The following ACOT11 variants were observed in gnomAD, a reference collection of about 807,000 sequenced individuals.
ACOT11 encodes the protein acyl-CoA thioesterase 11, also known as acyl-coenzyme A thioesterase 11.
A neutral mutation model predicts 77.5 loss-of-function variants in ACOT11; 69 were observed. That is an observed-to-expected ratio of 0.89 (90% confidence interval 0.73 to 1.09). The LOEUF is 1.09. Among genes scored for constraint, ACOT11 ranks in the 50% least tolerant of loss-of-function variants. ACOT11 has a pLI of 0.00. For synonymous variants in ACOT11, 279 were observed against 313.0 expected, an observed-to-expected ratio of 0.89 and a Z score of 1.15; for missense variants, 766 against 813.7, an observed-to-expected ratio of 0.94 and a Z score of 0.71.
rs149214042 is a variant in ACOT11, at chr1:54,595,119, G to T, written c.607+428G>T. On this transcript the variant is annotated intron_variant, in intron 6 of 15. Transcript: ENST00000343744. ...CCCAGCACTTTGGGAGGCCGAGGCG[G>T]GTGGATCACCTGAGGCCAGGAGTTC... Among the ~76,000 whole-genome samples the T allele has an allele frequency of 1.4e-4, 21 of 152,280 alleles. No homozygotes were observed. In the East Asian group the frequency reaches 3.9e-3, roughly 28 times the overall value.
intron 6 of ACOT11, among the ~76,000 whole-genome samples, chr1:54,596,371 A>G (rs1654897418): frequency 6.6e-6 from 1 of 152,112 alleles, no homozygotes; most frequent in African/African-American, 2.4e-5. Flanking sequence ...TCCATGGGAG[A>G]TAGGAGACAA....
rs937288801 is a variant in ACOT11, at chr1:54,589,189, G to T, written c.311+3285G>T. 1.5e-4 allele frequency among the ~76,000 whole-genome samples: 23 copies of T among 152,004 alleles called. 1 individual carries two copies. The East Asian group carries it at 2.7e-3, about 18-fold the overall frequency. On this transcript the variant is annotated intron_variant, in intron 3 of 15. Transcript: ENST00000343744. Reference sequence around the variant, plus strand: ...CGGCAACCAAGCTGGGCTAATTTTTGTATTTTTATTAGAGATGGGGTTTCA... The same window carrying T: ...CGGCAACCAAGCTGGGCTAATTTTTTTATTTTTATTAGAGATGGGGTTTCA...
At chr1:54,566,372 G>A (rs1001161199) in intron 1 of ACOT11, among the ~76,000 whole-genome samples, 2 of 151,206 alleles carry the variant, frequency 1.3e-5, no homozygotes, top group East Asian at 2.0e-4. Context: ...CACGAGAATC[G>A]CTAGAACCCG....
downstream of ACOT11, chr1:54,610,556 C>T: frequency 6.2e-7 from 1 of 1,610,108 alleles, no homozygotes; most frequent in Non-Finnish European, 8.5e-7. Context: ...GTGGCATTCA[C>T]TGTGGGGCCC....
exon 17 of ACOT11, chr1:54,635,777 G>A (rs1403517702): frequency 6.5e-6 from 1 of 154,214 alleles, no homozygotes; most frequent in Non-Finnish European, 1.4e-5. Flanking sequence ...TCGAAGAAGG[G>A]AGACATGTTG....
chr1:54,616,649 A>G (rs1408726353), intron 15 of ACOT11, among the ~76,000 whole-genome samples: 1 of 152,202 alleles, frequency 6.6e-6, no homozygotes, highest in African/African-American at 2.4e-5. Context: ...CTGGGATTAC[A>G]GGCGTGAGCC....
At chr1:54,620,201 T>C (rs1308245504) in intron 15 of ACOT11, among the ~76,000 whole-genome samples, 1 of 152,134 alleles carries the variant, frequency 6.6e-6, no homozygotes, top group Non-Finnish European at 1.5e-5. Context: ...GGAAGCCTCA[T>C]TACCAGCCTG....
At position 54,548,294 on chromosome 1, in the gene ACOT11, C is replaced by A; in HGVS notation, c.-16C>A. 6.3e-7 allele frequency: 1 copy of A among 1,590,994 alleles called. No homozygotes were observed. Among genetic ancestry groups the A allele is most frequent in the East Asian group, 2.3e-5 (1 of 43,902 alleles). ...TGTCTCTGGGAGGGCGCTGCTTTCC[C>A]CGGCCACCCGGCGCGATGATCCAGA... is the stretch of plus-strand genomic sequence containing the variant. On this transcript the variant is annotated 5_prime_UTR_variant, in exon 1 of 16. Coordinates refer to ENST00000343744, the MANE Select transcript of ACOT11 (RefSeq NM_147161.4).
chr1:54,574,560 A>G lies in ACOT11; in HGVS notation c.34-10095A>G, dbSNP rs527109. Among the ~76,000 whole-genome samples the G allele has an allele frequency of 4.9e-3, 744 of 152,194 alleles. 5 individuals are homozygous for G. The highest frequency in any genetic ancestry group is 0.017 in the African/African-American group (726 of 41,522). Reference sequence around the variant, plus strand: ...CCTTTGCACCTCACAACAATCTACAAAGTATTTGGGATTCCCATTTTACAG... The same window carrying G: ...CCTTTGCACCTCACAACAATCTACAGAGTATTTGGGATTCCCATTTTACAG... On this transcript the variant is annotated intron_variant, in intron 1 of 15. Transcript: ENST00000343744.
At chr1:54,608,181 G>C (rs747695963) in intron 15 of ACOT11, 113 bp downstream of exon 15, 29 of 1,021,640 alleles carry the variant, frequency 2.8e-5, no homozygotes, top group Non-Finnish European at 3.6e-5. Flanking sequence ...CCCCCAGCAG[G>C]CTCCCCCTTC....
chr1:54,562,309 T>TG (rs1227358313), intron 1 of ACOT11, among the ~76,000 whole-genome samples: 2 of 51,026 alleles, frequency 3.9e-5, no homozygotes, highest in Admixed American at 1.8e-4. Flanking sequence ...GCTGGCCGGG[T>TG]GGGGGGGCTG....
downstream of ACOT11, chr1:54,614,629 G>C (rs1449318636): frequency 6.7e-7 from 1 of 1,491,676 alleles, no homozygotes; most frequent in Non-Finnish European, 9.1e-7. Flanking sequence ...GGTCCCCTAA[G>C]ATCCCCATCC....
At chr1:54,585,285 G>A (rs916319681) in intron 2 of ACOT11, among the ~76,000 whole-genome samples, 1 of 152,204 alleles carries the variant, frequency 6.6e-6, no homozygotes, top group East Asian at 1.9e-4. Context: ...CAGCCTGGTA[G>A]GGTGGGGATG....
chr1:54,572,542 C>G (rs1341718319), intron 1 of ACOT11, among the ~76,000 whole-genome samples: 1 of 152,142 alleles, frequency 6.6e-6, no homozygotes, highest in African/African-American at 2.4e-5. Context: ...GGGTTCTGTA[C>G]TGGGTGCTGT....
chr1:54,548,792 C>T (rs994201637), intron 1 of ACOT11, among the ~76,000 whole-genome samples: 9 of 152,012 alleles, frequency 5.9e-5, no homozygotes, highest in African/African-American at 1.5e-4. Context: ...GGGGTGAGGT[C>T]GGCGTTCTTG....
At chr1:54,580,147 G>A (rs1302655054) in intron 1 of ACOT11, among the ~76,000 whole-genome samples, 1 of 152,132 alleles carries the variant, frequency 6.6e-6, no homozygotes, top group Non-Finnish European at 1.5e-5. Context: ...AGGTGTAGCA[G>A]CTTGCTCAAG....
At chr1:54,549,812 T>A (rs17393916) in intron 1 of ACOT11, among the ~76,000 whole-genome samples, 22,570 of 152,192 alleles carry the variant, frequency 0.15, 1,933 homozygotes, top group Admixed American at 0.21. Context: ...CCGCTTGCTC[T>A]TGTCACCTGA....
At chr1:54,625,437 G>A (rs532363438) in intron 15 of ACOT11, among the ~76,000 whole-genome samples, 54 of 152,176 alleles carry the variant, frequency 3.5e-4, no homozygotes, top group African/African-American at 1.0e-3. Flanking sequence ...CACCCACTCC[G>A]GACTCCAGGA....
At chr1:54,601,159 A>G in intron 8 of ACOT11, 110 bp from the exon 9 acceptor site, 4 of 1,319,982 alleles carry the variant, frequency 3.0e-6, no homozygotes, top group Non-Finnish European at 4.2e-6. Flanking sequence ...GTGTGCATGC[A>G]TGTGTGTGGG....
Sources: gnomAD v4.1 joint callset for allele counts (sites outside exome capture counted in the v4.1 genomes callset) on GRCh38, gnomAD v4.1.1 for gene constraint, MANE v1.5 for transcripts, NCBI Gene and HGNC (gene_info 2026-07-23, HGNC 2026-07-21) for gene names.